MAGT1: variants seen among roughly 807,000 people sequenced by gnomAD.
The protein encoded by MAGT1 is magnesium transporter 1.
A neutral mutation model predicts 28.4 loss-of-function variants in MAGT1; 4 were observed. The observed-to-expected ratio is 0.14, with a 90% CI of 0.07 to 0.32. The LOEUF (loss-of-function observed/expected upper bound fraction) is 0.32. Ranked by LOEUF, MAGT1 falls within the 10% of genes least tolerant of loss-of-function variation. The pLI, the probability that MAGT1 is intolerant of heterozygous loss-of-function variation, is 1.00. For synonymous variants in MAGT1, 89 were observed against 89.7 expected (o/e 0.99, Z 0.04); for missense variants, 193 against 264.5 (o/e 0.73, Z 1.88).
At chrX:77,895,106 T>TA (rs1176022521) in intron 1 of MAGT1, among the ~76,000 whole-genome samples, 1 of 111,509 alleles carries the variant, frequency 9.0e-6, no homozygotes, top group Non-Finnish European at 1.9e-5. Flanking sequence ...TCACCTACGC[T>TA]ACTCCACTCT....
At chrX:77,852,662 G>A (rs1393687802) in intron 7 of MAGT1, among the ~76,000 whole-genome samples, 1 of 111,185 alleles carries the variant, frequency 9.0e-6, no homozygotes, top group African/African-American at 3.3e-5. Flanking sequence ...TGTGATATCA[G>A]CTCACTGTTG....
chrX:77,830,861 T>TA lies in MAGT1; in HGVS notation c.935dup (p.Leu312PhefsTer11). 1 of 1,160,386 alleles carries TA rather than the reference T, an allele frequency of 8.6e-7. No homozygotes were observed. Among genetic ancestry groups the TA allele is most frequent in the Non-Finnish European group, 1.2e-6 (1 of 862,809 alleles). ...AAATAGAGAGCATCCAACTGAAGAA[T>TA]AATACAACAAGTCCAATACCAGCCA... is the stretch of plus-strand genomic sequence containing the variant. On this transcript the variant is annotated frameshift_variant, in exon 9 of 10. Coordinates refer to ENST00000618282, the MANE Select transcript of MAGT1 (RefSeq NM_001367916.1). LOFTEE classifies it high-confidence loss of function.
At chrX:77,876,975 T>G (rs1233995779) in intron 1 of MAGT1, among the ~76,000 whole-genome samples, 1 of 89,497 alleles carries the variant, frequency 1.1e-5, no homozygotes, top group East Asian at 3.4e-4. Context: ...ATCGTGCCAT[T>G]GCACTCCAGC....
intron 1 of MAGT1, among the ~76,000 whole-genome samples, chrX:77,883,452 T>C (rs191938232): frequency 4.5e-4 from 49 of 109,228 alleles, no homozygotes; most frequent in African/African-American, 1.5e-3. Context: ...TAGAAGAAAC[T>C]AGTTCAAAGG....
intron 8 of MAGT1, among the ~76,000 whole-genome samples, chrX:77,832,723 C>T (rs1223236553): frequency 9.6e-5 from 10 of 104,062 alleles, no homozygotes; most frequent in African/African-American, 3.5e-4. Flanking sequence ...ATCCCAGCTA[C>T]TCGGGAGGCT....
chrX:77,880,673 A>G (rs918560486), intron 1 of MAGT1, among the ~76,000 whole-genome samples: 33 of 109,814 alleles, frequency 3.0e-4, no homozygotes, highest in Non-Finnish European at 5.5e-4. Context: ...TTGGTTGTTA[A>G]CAGGCCAGGT....
intron 3 of MAGT1, chrX:77,868,466 A>T (rs1268515928): frequency 6.7e-6 from 1 of 148,950 alleles, no homozygotes; most frequent in African/African-American, 3.2e-5. Flanking sequence ...GTGAAACCCC[A>T]TCTGTACTCA....
chrX:77,866,247 T>C (rs1464994521), intron 3 of MAGT1, among the ~76,000 whole-genome samples: 1 of 66,460 alleles, frequency 1.5e-5, no homozygotes, highest in Non-Finnish European at 4.1e-5. Flanking sequence ...AATTCTGGCT[T>C]CAGTCTATAC....
chrX:77,885,061 C>CAAAAAAAA (rs782414984), intron 1 of MAGT1, among the ~76,000 whole-genome samples: 2 of 52,371 alleles, frequency 3.8e-5, no homozygotes, highest in Non-Finnish European at 7.2e-5. Flanking sequence ...GACTCCATCT[C>CAAAAAAAA]AAAAAAAAAA....
At chrX:77,848,823 G>C (rs1017205398) in intron 7 of MAGT1, among the ~76,000 whole-genome samples, 7 of 110,557 alleles carry the variant, frequency 6.3e-5, no homozygotes, top group Non-Finnish European at 1.1e-4. Flanking sequence ...GACCAGCCTG[G>C]ACGACAGGGC....
intron 9 of MAGT1, among the ~76,000 whole-genome samples, chrX:77,830,506 T>TTGG (rs782804954): frequency 1.8e-5 from 2 of 110,206 alleles, no homozygotes; most frequent in African/African-American, 6.6e-5. Context: ...TCGCAACTAC[T>TTGG]TGGGAGGCTG....
At chrX:77,874,295 TAA>T (rs1339498262) in intron 2 of MAGT1, among the ~76,000 whole-genome samples, 2 of 95,561 alleles carry the variant, frequency 2.1e-5, no homozygotes, top group Admixed American at 1.1e-4. Flanking sequence ...ATCTTTTTTT[TAA>T]AAAAAAAAAA....
intron 1 of MAGT1, among the ~76,000 whole-genome samples, chrX:77,892,126 C>G (rs1176654085): frequency 9.0e-6 from 1 of 111,011 alleles, no homozygotes; most frequent in Non-Finnish European, 1.9e-5. Flanking sequence ...AACTCCTGAC[C>G]TCAAGTGATC....
At chrX:77,851,449 C>T (rs2076968047) in intron 7 of MAGT1, among the ~76,000 whole-genome samples, 1 of 110,970 alleles carries the variant, frequency 9.0e-6, no homozygotes, top group Non-Finnish European at 1.9e-5. Context: ...TCTCGGCTCA[C>T]TGCAACCTCT....
At chrX:77,845,745 T>C (rs1244720389) in intron 7 of MAGT1, among the ~76,000 whole-genome samples, 1 of 111,878 alleles carries the variant, frequency 8.9e-6, no homozygotes, top group Non-Finnish European at 1.9e-5. Flanking sequence ...TTCTTTTCTT[T>C]AAGAATGTTG....
chrX:77,832,612 C>T (rs1007413451), intron 8 of MAGT1, among the ~76,000 whole-genome samples: 2 of 109,363 alleles, frequency 1.8e-5, no homozygotes, highest in African/African-American at 3.3e-5. Context: ...GGGTGGATCA[C>T]GAGGTCAGGA....
At chrX:77,872,053 C>T (rs2077021756) in intron 2 of MAGT1, among the ~76,000 whole-genome samples, 1 of 107,845 alleles carries the variant, frequency 9.3e-6, no homozygotes, top group East Asian at 2.9e-4. Flanking sequence ...TTCAATCCTT[C>T]TTTTTTTTTG....
At chrX:77,842,835 A>G (rs1185197762) in intron 7 of MAGT1, among the ~76,000 whole-genome samples, 1 of 111,663 alleles carries the variant, frequency 9.0e-6, no homozygotes, top group African/African-American at 3.3e-5. Context: ...TCAAAAAAAA[A>G]AGAAAAAGAA....
chrX:77,867,981 G>A lies in MAGT1; in HGVS notation c.390+2827C>T, dbSNP rs376751896. On this transcript the variant is annotated intron_variant, in intron 3 of 9. Coordinates refer to ENST00000618282, the MANE Select transcript of MAGT1 (RefSeq NM_001367916.1). Reference sequence around the variant, plus strand: ...GACCAGTTAAAAGGTTACTGCATTAGCTTGAATGAGAGATGAATGTGAGCC... The same window carrying A: ...GACCAGTTAAAAGGTTACTGCATTAACTTGAATGAGAGATGAATGTGAGCC... 2 of 66,764 alleles carry A rather than the reference G, an allele frequency of 3.0e-5. 1 individual carries two copies. Among genetic ancestry groups the A allele is most frequent in the Admixed American group, 4.1e-4 (2 of 4,853 alleles). The allele number at this position is 66,764 out of a possible 1,213,427, so 5.5% of individuals were successfully genotyped here.
Sources: gnomAD v4.1 joint callset for allele counts (sites outside exome capture counted in the v4.1 genomes callset) on GRCh38, gnomAD v4.1.1 for gene constraint, MANE v1.5 for transcripts, NCBI Gene and HGNC (gene_info 2026-07-23, HGNC 2026-07-21) for gene names.